The following TRAF5 variants were observed in gnomAD, a reference collection of about 807,000 sequenced individuals.
The protein encoded by TRAF5 is TNF receptor associated factor 5.
Under a neutral mutation model 64.5 loss-of-function variants are expected in TRAF5, and 48 were observed. The ratio of observed to expected loss-of-function variants is 0.74; its 90% confidence interval spans 0.59 to 0.95. The LOEUF is 0.95. TRAF5 is among the 40% of genes least tolerant of loss of function. The probability of loss-of-function intolerance (pLI) is 0.00; values close to 1 mark genes in which losing one functional copy is unlikely to be tolerated. For synonymous variants in TRAF5, 206 were observed against 240.5 expected (o/e 0.86, Z 1.33); for missense variants, 545 against 662.8 (o/e 0.82, Z 1.95).
At chr1:211,367,044 C>T (rs914454281) in intron 8 of TRAF5, among the ~76,000 whole-genome samples, 6 of 152,012 alleles carry the variant, frequency 3.9e-5, no homozygotes, top group African/African-American at 9.7e-5. Flanking sequence ...TACACTGGTA[C>T]GATCTGGACT....
intron 1 of TRAF5, among the ~76,000 whole-genome samples, chr1:211,348,593 G>A (rs967825151): frequency 2.0e-5 from 3 of 152,032 alleles, no homozygotes; most frequent in African/African-American, 7.2e-5. Flanking sequence ...TTATCTAGTA[G>A]GAGTTTTATA....
Position 211,372,244 on chromosome 1 carries a change from C to T in TRAF5, c.1216C>T (p.Leu406Phe). 6.2e-7 allele frequency: 1 copy of T among 1,613,932 alleles called. No individual in the cohort carries two copies. Among genetic ancestry groups the T allele is most frequent in the South Asian group, 1.1e-5 (1 of 91,072 alleles). ...LLEGTCYNGK[L>F]IWKVTDYKMK... ...GGAGGGTACTTGCTATAATGGAAAGCTCATTTGGAAGGTGACAGATTACAA... is the reference window on the plus strand; with the variant it reads ...GGAGGGTACTTGCTATAATGGAAAGTTCATTTGGAAGGTGACAGATTACAA... Residue 406 changes from leucine (L) to phenylalanine (F), a missense_variant, in exon 11 of 11, where the codon CTC becomes TTC. Leu to Phe is a conservative substitution (Grantham distance 22). Coordinates refer to ENST00000261464, the MANE Select transcript of TRAF5 (RefSeq NM_001033910.3).
At chr1:211,330,647 C>T (rs562019940) in intron 1 of TRAF5, among the ~76,000 whole-genome samples, 45 of 152,342 alleles carry the variant, frequency 3.0e-4, no homozygotes, top group African/African-American at 1.0e-3. Context: ...CACCGTGCAC[C>T]TGCTGCGCTG....
At chr1:211,366,758 A>C (rs1219489813) in intron 8 of TRAF5, among the ~76,000 whole-genome samples, 2 of 152,170 alleles carry the variant, frequency 1.3e-5, no homozygotes, top group African/African-American at 4.8e-5. Flanking sequence ...GAGATAGAGA[A>C]AGGCTAGAGA....
chr1:211,371,391 T>G lies in TRAF5; in HGVS notation c.1020T>G (p.Phe340Leu), dbSNP rs772694165. The G allele has an allele frequency of 6.2e-7, 1 of 1,612,012 alleles. No individual in the cohort carries two copies. The highest frequency in any genetic ancestry group is 8.5e-7 in the Non-Finnish European group (1 of 1,179,672). Reference sequence around the variant, plus strand: ...TGGTTAACCAGCAACAAAATAAATTTGACCTGAGACCTTTGATGGAAGCAG... The same window carrying G: ...TGGTTAACCAGCAACAAAATAAATTGGACCTGAGACCTTTGATGGAAGCAG... ...LQMVNQQQNK[F>L]DLRPLMEAVD... Residue 340 changes from phenylalanine (F) to leucine (L), a missense_variant, in exon 10 of 11, where the codon TTT becomes TTG. Coordinates refer to ENST00000261464, the MANE Select transcript of TRAF5 (RefSeq NM_001033910.3).
chr1:211,337,309 G>C (rs1377135168), intron 1 of TRAF5, among the ~76,000 whole-genome samples: 2 of 152,202 alleles, frequency 1.3e-5, no homozygotes, highest in African/African-American at 4.8e-5. Context: ...AGATATCAGG[G>C]TGAAGAGTAT....
chr1:211,328,065 C>T (rs1702067320), intron 1 of TRAF5, among the ~76,000 whole-genome samples: 2 of 152,212 alleles, frequency 1.3e-5, no homozygotes, highest in Admixed American at 6.5e-5. Flanking sequence ...GGAAATAGAA[C>T]AGTTTTGGGT....
chr1:211,346,306 G>A (rs567248658), intron 1 of TRAF5: 2 of 922,080 alleles, frequency 2.2e-6, no homozygotes, highest in South Asian at 1.0e-4. Context: ...TCCTTGGAGG[G>A]ACTCAAGGGC....
intron 1 of TRAF5, among the ~76,000 whole-genome samples, chr1:211,342,546 G>A (rs1441569380): frequency 6.6e-6 from 1 of 151,872 alleles, no homozygotes; most frequent in Non-Finnish European, 1.5e-5. Context: ...GTTGACTATA[G>A]TCACCCTGTT....
chr1:211,371,872 C>T (rs1353521371), intron 10 of TRAF5, among the ~76,000 whole-genome samples: 2 of 152,196 alleles, frequency 1.3e-5, no homozygotes, highest in Non-Finnish European at 2.9e-5. Context: ...TGCTGATTCA[C>T]GCTAGTTGAA....
intron 1 of TRAF5, among the ~76,000 whole-genome samples, chr1:211,344,697 C>T (rs199739463): frequency 6.6e-6 from 1 of 152,342 alleles, no homozygotes; most frequent in East Asian, 1.9e-4. Flanking sequence ...TTTCAGTTCT[C>T]CTTTGTGCCA....
intron 7 of TRAF5, among the ~76,000 whole-genome samples, chr1:211,361,453 T>C (rs1022624538): frequency 6.6e-6 from 1 of 152,144 alleles, no homozygotes; most frequent in Non-Finnish European, 1.5e-5. Context: ...GCTGCAGTCT[T>C]GAGGAGAAGC....
chr1:211,332,792 T>C (rs1167678057), intron 1 of TRAF5, among the ~76,000 whole-genome samples: 1 of 152,104 alleles, frequency 6.6e-6, no homozygotes, highest in African/African-American at 2.4e-5. Context: ...ATGAAGAACA[T>C]TTTAGTCACC....
At chr1:211,359,886 C>A (rs773123931) in intron 4 of TRAF5, 26 bp from the exon 5 acceptor site, 1 of 1,613,234 alleles carries the variant, frequency 6.2e-7, no homozygotes, top group African/African-American at 1.3e-5. Context: ...CAGCAGGTCC[C>A]ACTGGCCTGT....
In TRAF5 at chr1:211,369,556, G is replaced by A; in HGVS notation, c.894G>A (p.Leu298=). The change falls in exon 9 of 11, where the codon TTG becomes TTA. Residue 298 remains leucine, a synonymous_variant. Transcript: ENST00000261464. ...AGGAGTTCAAGCAGTTTGCACAGTT[G>A]TTTGGCAAAAATGGAAGCTTCCTCC... ...LEKEFKQFAQ[L]FGKNGSFLPN... 6.3e-7 allele frequency: 1 copy of A among 1,596,970 alleles called. No individual in the cohort carries two copies. The highest frequency in any genetic ancestry group is 8.5e-7 in the Non-Finnish European group (1 of 1,173,842).
Position 211,349,303 on chromosome 1 carries a change from A to G in TRAF5, c.-1-3936A>G, listed in dbSNP as rs147699890. ...GGTAATTTATAAAGAACAAAAATGTATTTCTCACAGTTCTGAAGGCTGAGA... is the reference window on the plus strand; with the variant it reads ...GGTAATTTATAAAGAACAAAAATGTGTTTCTCACAGTTCTGAAGGCTGAGA... On this transcript the variant is annotated intron_variant, in intron 1 of 10. Transcript: ENST00000261464. 2.8e-3 allele frequency among the ~76,000 whole-genome samples: 425 copies of G among 152,334 alleles called. 1 individual carries two copies. The highest frequency in any genetic ancestry group is 4.4e-3 in the Non-Finnish European group (302 of 68,030).
intron 1 of TRAF5, among the ~76,000 whole-genome samples, chr1:211,331,606 T>TA (rs2102708058): frequency 6.6e-6 from 1 of 152,240 alleles, no homozygotes; most frequent in African/African-American, 2.4e-5. Flanking sequence ...ATGCCTAGCC[T>TA]AAAGGCATTC....
intron 1 of TRAF5, among the ~76,000 whole-genome samples, chr1:211,331,115 C>T (rs553760159): frequency 6.6e-6 from 1 of 152,324 alleles, no homozygotes; most frequent in South Asian, 2.1e-4. Context: ...CTGTCCCCCT[C>T]AGCCAGTCCT....
At chr1:211,352,462 G>GT (rs1320966777) in intron 1 of TRAF5, among the ~76,000 whole-genome samples, 338 of 109,958 alleles carry the variant, frequency 3.1e-3, no homozygotes, top group Admixed American at 3.9e-3. Flanking sequence ...AAAAAAAAAA[G>GT]TTTTTTTTTT....
Sources: allele counts gnomAD v4.1 joint callset (sites outside exome capture counted in the v4.1 genomes callset), GRCh38; gene constraint gnomAD v4.1.1; transcripts MANE v1.5; gene names NCBI Gene and HGNC (gene_info 2026-07-23, HGNC 2026-07-21).